ELMO1: variants seen among roughly 807,000 people sequenced by gnomAD.
ELMO1 encodes the protein engulfment and cell motility 1, also known as engulfment and cell motility protein 1.
In ELMO1, 26 loss-of-function variants were observed where a neutral mutation model predicts 98.9. That is an observed-to-expected ratio of 0.26 (90% CI 0.19 to 0.36). The LOEUF (loss-of-function observed/expected upper bound fraction) is 0.36, where lower values mean the gene tolerates loss of function less well. ELMO1 is among the 10% of genes least tolerant of loss of function. The pLI is 1.00. For missense variants in ELMO1, 627 were observed against 935.2 expected (o/e 0.67, Z 4.30); for synonymous variants, 346 against 346.0 (o/e 1.00, Z 0.00).
At chr7:37,263,676 T>C (rs1207396654) in intron 5 of ELMO1, among the ~76,000 whole-genome samples, 1 of 152,126 alleles carries the variant, frequency 6.6e-6, no homozygotes, top group Non-Finnish European at 1.5e-5. Flanking sequence ...GAGTGGAATA[T>C]TCTGGGCAGC....
chr7:37,037,946 A>G (rs1015067141), intron 15 of ELMO1, among the ~76,000 whole-genome samples: 1 of 152,232 alleles, frequency 6.6e-6, no homozygotes, highest in African/African-American at 2.4e-5. Context: ...GAAGACTGCA[A>G]TCAAGAGTGA....
At chr7:37,086,331 T>TGTGTGTGG (rs1491219337) in intron 15 of ELMO1, among the ~76,000 whole-genome samples, 11 of 31,248 alleles carry the variant, frequency 3.5e-4, no homozygotes, top group African/African-American at 2.6e-3. Context: ...AATACATGAC[T>TGTGTGTGG]GTGTGTGTGT....
chr7:37,292,667 C>T (rs1190855966), intron 4 of ELMO1, among the ~76,000 whole-genome samples: 2 of 109,190 alleles, frequency 1.8e-5, no homozygotes, highest in Admixed American at 8.8e-5. Context: ...AGCCCCTCCG[C>T]CCAGCAGCCA....
At chr7:37,107,495 C>T (rs950426840) in intron 14 of ELMO1, among the ~76,000 whole-genome samples, 6 of 152,134 alleles carry the variant, frequency 3.9e-5, no homozygotes, top group Non-Finnish European at 8.8e-5. Context: ...GCAGAGAAGC[C>T]CCTATGCATC....
chr7:37,024,010 T>C (rs2129181200), intron 15 of ELMO1, among the ~76,000 whole-genome samples: 1 of 152,322 alleles, frequency 6.6e-6, no homozygotes, highest in African/African-American at 2.4e-5. Context: ...TTCTTTCAAA[T>C]CATCTCCCTC....
chr7:37,027,651 A>C (rs140586765), intron 15 of ELMO1, among the ~76,000 whole-genome samples: 1 of 152,206 alleles, frequency 6.6e-6, no homozygotes, highest in African/African-American at 2.4e-5. Flanking sequence ...TCAGTCCCTT[A>C]AACAAGTGAG....
intron 15 of ELMO1, among the ~76,000 whole-genome samples, chr7:37,050,386 C>A (rs1214350853): frequency 6.6e-6 from 1 of 152,146 alleles, no homozygotes; most frequent in East Asian, 1.9e-4. Context: ...AGGCGTGAGC[C>A]ACCATGCCTG....
chr7:37,079,059 T>A (rs1797728372), intron 15 of ELMO1, among the ~76,000 whole-genome samples: 1 of 152,182 alleles, frequency 6.6e-6, no homozygotes, highest in Non-Finnish European at 1.5e-5. Context: ...ACTATCTAAT[T>A]CAGAATCTGT....
At chr7:37,339,219 T>C (rs1289803180) in intron 2 of ELMO1, among the ~76,000 whole-genome samples, 1 of 152,240 alleles carries the variant, frequency 6.6e-6, no homozygotes, top group African/African-American at 2.4e-5. Context: ...TGAAAAGCCC[T>C]GCCCCTGGCC....
intron 10 of ELMO1, among the ~76,000 whole-genome samples, chr7:37,217,090 T>C (rs550818064): frequency 1.9e-4 from 29 of 152,330 alleles, no homozygotes; most frequent in African/African-American, 7.0e-4. Context: ...AGCAAGGAGA[T>C]TCCAGTATCT....
intron 13 of ELMO1, among the ~76,000 whole-genome samples, chr7:37,164,622 A>C (rs547779325): frequency 6.6e-5 from 10 of 152,074 alleles, no homozygotes; most frequent in African/African-American, 2.4e-4. Flanking sequence ...TGTTTTTCTC[A>C]GGTTTGTCAA....
intron 13 of ELMO1, among the ~76,000 whole-genome samples, chr7:37,160,490 C>T (rs979187250): frequency 6.6e-6 from 1 of 152,172 alleles, no homozygotes; most frequent in African/African-American, 2.4e-5. Context: ...CTTCCTGTTT[C>T]CCCACTGGCA....
chr7:37,120,132 G>A (rs1785906166), intron 14 of ELMO1, among the ~76,000 whole-genome samples: 2 of 152,224 alleles, frequency 1.3e-5, no homozygotes, highest in African/African-American at 4.8e-5. Context: ...TTGTGTAGCA[G>A]TTTAATTAAG....
intron 20 of ELMO1, among the ~76,000 whole-genome samples, chr7:36,867,021 A>G (rs1364798481): frequency 1.3e-5 from 2 of 152,164 alleles, no homozygotes; most frequent in African/African-American, 2.4e-5. Context: ...TTCCATGTAT[A>G]TGCTAATTAA....
intron 4 of ELMO1, among the ~76,000 whole-genome samples, chr7:37,287,475 A>G (rs1309727384): frequency 1.3e-5 from 2 of 152,236 alleles, no homozygotes; most frequent in African/African-American, 4.8e-5. Context: ...AATAACTACC[A>G]TAATTTCTAA....
At chr7:37,112,723 A>G (rs1785321961) in intron 14 of ELMO1, among the ~76,000 whole-genome samples, 1 of 152,210 alleles carries the variant, frequency 6.6e-6, no homozygotes, top group South Asian at 2.1e-4. Flanking sequence ...AAATTTTGGA[A>G]CCTTGGGTTT....
chr7:37,020,893 TGTTA>T (rs1437485288), intron 15 of ELMO1, among the ~76,000 whole-genome samples: 1 of 152,172 alleles, frequency 6.6e-6, no homozygotes, highest in East Asian at 1.9e-4. Flanking sequence ...ACAGAAAACC[TGTTA>T]GAGCAGTCAT....
At chr7:37,375,756 T>C (rs1479358327) in intron 1 of ELMO1, 2 of 1,123,198 alleles carry the variant, frequency 1.8e-6, no homozygotes, top group Non-Finnish European at 2.7e-6. Context: ...GTATCCAGTA[T>C]CTCAGTGATT....
At chr7:37,173,680 G>A (rs1790323720) in intron 13 of ELMO1, among the ~76,000 whole-genome samples, 1 of 152,172 alleles carries the variant, frequency 6.6e-6, no homozygotes, top group Admixed American at 6.5e-5. Flanking sequence ...AGAAACCCAA[G>A]GTGAAATTCT....
Sources: gnomAD v4.1 joint callset for allele counts (sites outside exome capture counted in the v4.1 genomes callset) on GRCh38, gnomAD v4.1.1 for gene constraint, MANE v1.5 for transcripts, NCBI Gene and HGNC (gene_info 2026-07-23, HGNC 2026-07-21) for gene names.